FRY: variants seen among roughly 807,000 people sequenced by gnomAD.
The protein encoded by FRY is protein furry homolog.
In FRY, 128 loss-of-function variants were observed where a neutral mutation model predicts 348.4. That is an observed-to-expected ratio of 0.37 (90% CI 0.32 to 0.43). FRY has a LOEUF of 0.43. Ranked by LOEUF, FRY falls within the 20% of genes least tolerant of loss-of-function variation. FRY has a pLI of 1.00. For missense variants in FRY, 2,736 were observed against 3,695.2 expected (o/e 0.74, Z 6.73); for synonymous variants, 1,370 against 1,374.7 (o/e 1.00, Z 0.08).
Position 32,289,703 on chromosome 13 carries a change from A to G in FRY, c.8540A>G (p.Lys2847Arg), listed in dbSNP as rs1371362671. 2 of 1,612,782 alleles carry G rather than the reference A, an allele frequency of 1.2e-6. No homozygotes were observed. The highest frequency in any genetic ancestry group is 4.5e-5 in the East Asian group (2 of 44,870). ...CTATTGCTTTTTCAGTCCTACTGTA[A>G]GCTCATCGGCCAGGTGCACGAAGTT... ...QLLLLFQSYC[K>R]LIGQVHEVSS... The change falls in exon 59 of 61, where the codon AAG becomes AGG. Residue 2847 changes from lysine (K) to arginine (R), a missense_variant. Lys to Arg is a conservative substitution (Grantham distance 26). This residue lies in a region of FRY where 157 missense variants were observed against 215.2 expected (regional missense o/e 0.73). Coordinates refer to ENST00000542859, the MANE Select transcript of FRY (RefSeq NM_023037.3).
chr13:32,132,697 A>G (rs1337313501), intron 8 of FRY, among the ~76,000 whole-genome samples: 1 of 152,262 alleles, frequency 6.6e-6, no homozygotes, highest in African/African-American at 2.4e-5. Context: ...TATATGCACA[A>G]GAGAAATGAA....
At chr13:32,264,784 A>G (rs1291626705) in intron 53 of FRY, among the ~76,000 whole-genome samples, 1 of 152,178 alleles carries the variant, frequency 6.6e-6, no homozygotes, top group Non-Finnish European at 1.5e-5. Context: ...GGGTATTCTC[A>G]AGGGTAAAGC....
At chr13:32,268,500 AAAAAAAT>A (rs1416480701) in intron 55 of FRY, among the ~76,000 whole-genome samples, 95 of 18,904 alleles carry the variant, frequency 5.0e-3, no homozygotes, top group African/African-American at 0.012. Flanking sequence ...AAAAAAAAAA[AAAAAAAT>A]ATATATATAT....
chr13:32,262,364 C>T lies in FRY; in HGVS notation c.7668C>T (p.Thr2556=). ...AGACGAATCCCATGGAGCTGCTCAC[C>T]ACAGCCTGTGACTCGACCCCTGCAG... is the stretch of plus-strand genomic sequence containing the variant. ...SEETNPMELL[T]TACDSTPAEP... The change falls in exon 53 of 61, where the codon ACC becomes ACT. Residue 2556 remains threonine, a synonymous_variant. Coordinates refer to ENST00000542859, the MANE Select transcript of FRY (RefSeq NM_023037.3). 6.2e-7 allele frequency: 1 copy of T among 1,613,776 alleles called. No homozygotes were observed. Among genetic ancestry groups the T allele is most frequent in the Non-Finnish European group, 8.5e-7 (1 of 1,179,684 alleles).
At position 32,093,184 on chromosome 13, in the gene FRY, A is replaced by G. The variant is rs144692984; in HGVS notation, c.271-8779A>G. Among the ~76,000 whole-genome samples, 404 of 152,314 alleles carry G rather than the reference A, an allele frequency of 2.7e-3. 7 individuals carry two copies. The South Asian group carries it at 0.053, about 20-fold the overall frequency. ...AAGCATTTCCATATGTATCTCTAAA[A>G]AAATTCTTCTCTAAACAAAACTGCA... is the stretch of plus-strand genomic sequence containing the variant. On this transcript the variant is annotated intron_variant, in intron 2 of 60. Transcript: ENST00000542859.
intron 1 of FRY, among the ~76,000 whole-genome samples, chr13:32,066,177 C>A (rs1270180815): frequency 6.6e-6 from 1 of 152,216 alleles, no homozygotes; most frequent in Non-Finnish European, 1.5e-5. Flanking sequence ...TGTTTTATCT[C>A]TTCCCTTGAC....
chr13:32,258,485 C>G (rs923872962), intron 51 of FRY, among the ~76,000 whole-genome samples: 1 of 152,032 alleles, frequency 6.6e-6, no homozygotes, highest in African/African-American at 2.4e-5. Flanking sequence ...TGGAGGTGCA[C>G]GCCTGTAATC....
At chr13:32,288,127 C>G (rs1593855302) in intron 58 of FRY, among the ~76,000 whole-genome samples, 1 of 152,126 alleles carries the variant, frequency 6.6e-6, no homozygotes, top group Admixed American at 6.5e-5. Context: ...TAATAATTAC[C>G]ATGATTTGGC....
intron 55 of FRY, among the ~76,000 whole-genome samples, chr13:32,268,503 AAAATATATATATATATAT>A (rs1306443642): frequency 2.0e-4 from 3 of 14,790 alleles, no homozygotes; most frequent in African/African-American, 5.8e-4. Context: ...AAAAAAAAAA[AAAATATATATATATATAT>A]ATATATATAT....
chr13:32,287,080 G>A (rs575346787), intron 58 of FRY, among the ~76,000 whole-genome samples: 3 of 151,368 alleles, frequency 2.0e-5, no homozygotes, highest in South Asian at 2.1e-4. Flanking sequence ...CAGGAGAATC[G>A]CTTGAACCCA....
chr13:32,200,777 A>G (rs1285979243), intron 29 of FRY, among the ~76,000 whole-genome samples: 2 of 152,148 alleles, frequency 1.3e-5, no homozygotes, highest in African/African-American at 2.4e-5. Context: ...CACATAATCT[A>G]TTCTGTGTTC....
intron 35 of FRY, among the ~76,000 whole-genome samples, chr13:32,214,785 T>C (rs1479914480): frequency 1.3e-5 from 2 of 152,186 alleles, no homozygotes. Context: ...AGAGACAGTG[T>C]TGTTCAGAAA....
At chr13:32,039,965 A>G (rs911515194) in intron 1 of FRY, among the ~76,000 whole-genome samples, 7 of 152,230 alleles carry the variant, frequency 4.6e-5, no homozygotes, top group African/African-American at 1.7e-4. Context: ...TTAGCAGTGG[A>G]AGACAGCTTT....
chr13:32,075,445 C>T (rs1437002946), intron 1 of FRY, among the ~76,000 whole-genome samples: 1 of 152,204 alleles, frequency 6.6e-6, no homozygotes, highest in East Asian at 1.9e-4. Flanking sequence ...AGTTACACCC[C>T]TCCCTTGTAA....
rs558610019 is a variant in FRY at position 32,295,890 on chromosome 13, C to CTTTTCTT, written c.*448_*454dup. The CTTTTCTT allele has an allele frequency of 1.2e-5, 2 of 169,056 alleles. No homozygotes were observed. The highest frequency in any genetic ancestry group is 2.4e-5 in the African/African-American group (1 of 41,842). 10.5% of individuals were successfully genotyped at this position (169,056 alleles called of 1,614,324 possible). On this transcript the variant is annotated 3_prime_UTR_variant, in exon 61 of 61. Coordinates refer to ENST00000542859, the MANE Select transcript of FRY (RefSeq NM_023037.3). ...TTCTTTCCCTGTCTTGTTCCATTTT[C>CTTTTCTT]TTTTCTTTTTTCTTTTTTCTTTTTC...
At chr13:32,095,777 AC>A (rs1385093133) in intron 2 of FRY, among the ~76,000 whole-genome samples, 4 of 152,130 alleles carry the variant, frequency 2.6e-5, no homozygotes, top group Non-Finnish European at 2.9e-5. Context: ...GTTTTCTTGT[AC>A]TAATTTCATA....
At chr13:32,254,594 C>T (rs1057493283) in intron 51 of FRY, among the ~76,000 whole-genome samples, 200 bp downstream of exon 51, 4 of 152,124 alleles carry the variant, frequency 2.6e-5, no homozygotes, top group Non-Finnish European at 4.4e-5. Context: ...TCTGAGCCCA[C>T]GGCAAAAGCT....
chr13:32,220,164 G>A (rs544354114), intron 36 of FRY, among the ~76,000 whole-genome samples: 29 of 152,280 alleles, frequency 1.9e-4, no homozygotes, highest in African/African-American at 5.5e-4. Context: ...AGTTCATTTC[G>A]TAAGTTGGTG....
rs147979453 is a variant in FRY at position 32,094,175 on chromosome 13, A to G, written c.271-7788A>G. On this transcript the variant is annotated intron_variant, in intron 2 of 60. Coordinates refer to ENST00000542859, the MANE Select transcript of FRY (RefSeq NM_023037.3). ...GGTGTGCTGCAGTAGAACTGCAAGC[A>G]GAAGCATACCTTTACAGTTCTCTTT... Among the ~76,000 whole-genome samples, 345 of 152,282 alleles carry G rather than the reference A, an allele frequency of 2.3e-3. 4 individuals are homozygous for G. Among genetic ancestry groups the G allele is most frequent in the African/African-American group, 7.9e-3 (328 of 41,560 alleles).
Sources: gnomAD v4.1 joint callset for allele counts (sites outside exome capture counted in the v4.1 genomes callset) on GRCh38, gnomAD v4.1.1 for gene constraint, gnomAD v4.1.1 regional missense constraint, MANE v1.5 for transcripts, NCBI Gene and HGNC (gene_info 2026-07-23, HGNC 2026-07-21) for gene names.